ABCG2: variants seen among roughly 807,000 people sequenced by gnomAD.
The protein encoded by ABCG2 is broad substrate specificity ATP-binding cassette transporter ABCG2.
A neutral mutation model predicts 73.5 loss-of-function variants in ABCG2; 80 were observed. The ratio of observed to expected loss-of-function variants is 1.09; its 90% confidence interval spans 0.91 to 1.31. The LOEUF (loss-of-function observed/expected upper bound fraction) is 1.31. Among genes scored for constraint, ABCG2 ranks in the 50% most tolerant of loss-of-function variants. The pLI is 0.00. For missense variants in ABCG2, 796 were observed against 786.2 expected (o/e 1.01, Z -0.15); for synonymous variants, 269 against 282.4 (o/e 0.95, Z 0.48).
At chr4:88,195,387 G>A (rs1728901855) in intron 1 of ABCG2, among the ~76,000 whole-genome samples, 1 of 152,114 alleles carries the variant, frequency 6.6e-6, no homozygotes, top group Non-Finnish European at 1.5e-5. Context: ...GTTTGTTCCG[G>A]GCTATCCAGA....
chr4:88,185,728 G>A (rs1198769084), intron 1 of ABCG2, among the ~76,000 whole-genome samples: 5 of 152,110 alleles, frequency 3.3e-5, no homozygotes, highest in African/African-American at 1.2e-4. Context: ...GAAGACGCAC[G>A]AATGGCAAAC....
intron 1 of ABCG2, among the ~76,000 whole-genome samples, chr4:88,198,315 A>C (rs1268911690): frequency 6.6e-6 from 1 of 152,126 alleles, no homozygotes; most frequent in Non-Finnish European, 1.5e-5. Flanking sequence ...CCTGGGTGAC[A>C]GAGCAAGACT....
At chr4:88,156,679 C>T (rs1726966166) in intron 1 of ABCG2, among the ~76,000 whole-genome samples, 1 of 152,010 alleles carries the variant, frequency 6.6e-6, no homozygotes, top group African/African-American at 2.4e-5. Flanking sequence ...AAAAAACCCG[C>T]TAAACAACAT....
At chr4:88,168,150 T>C (rs780235294) in intron 1 of ABCG2, among the ~76,000 whole-genome samples, 1 of 152,118 alleles carries the variant, frequency 6.6e-6, no homozygotes, top group Non-Finnish European at 1.5e-5. Flanking sequence ...ATTTGCTTTA[T>C]ACAGCAGACA....
chr4:88,210,951 C>T (rs1237698630), intron 1 of ABCG2, among the ~76,000 whole-genome samples: 2 of 151,870 alleles, frequency 1.3e-5, no homozygotes, highest in Non-Finnish European at 2.9e-5. Flanking sequence ...ATGTTCTGCC[C>T]CTGTATTCCC....
At position 88,121,707 on chromosome 4, in the gene ABCG2, A is replaced by C. The variant is rs760143764; in HGVS notation, c.617T>G (p.Ile206Ser). ...IGMELITDPS[I>S]LFLDEPTTGL... ...AGTTGTAGGCTCATCCAAGAACAAG[A>C]TGGAAGGATCAGTGATAAGCTCCAT... is the stretch of plus-strand genomic sequence containing the variant. The change falls in exon 6 of 16, where the codon ATC becomes AGC. Residue 206 changes from isoleucine (I) to serine (S), a missense_variant. Ile to Ser is a moderately radical substitution (Grantham distance 142). Coordinates refer to ENST00000237612, the MANE Select transcript of ABCG2 (RefSeq NM_004827.3). The C allele has an allele frequency of 6.2e-7, 1 of 1,614,114 alleles. No individual in the cohort carries two copies. Among genetic ancestry groups the C allele is most frequent in the South Asian group, 1.1e-5 (1 of 91,078 alleles).
intron 6 of ABCG2, among the ~76,000 whole-genome samples, chr4:88,121,434 C>A (rs969964324): frequency 2.6e-5 from 4 of 152,168 alleles, no homozygotes; most frequent in African/African-American, 4.8e-5. Context: ...AACCCCCCTA[C>A]ACCCTCATCA....
chr4:88,148,267 A>G (rs1416336600), intron 1 of ABCG2, among the ~76,000 whole-genome samples: 1 of 152,156 alleles, frequency 6.6e-6, no homozygotes, highest in Admixed American at 6.5e-5. Flanking sequence ...ACCCAAAGGG[A>G]CCACTGTACC....
intron 4 of ABCG2, 132 bp from the exon 5 acceptor site, chr4:88,131,345 G>T: frequency 1.1e-6 from 1 of 936,780 alleles, no homozygotes. Flanking sequence ...TGATGAACCT[G>T]CAGTTCTGCA....
intron 1 of ABCG2, among the ~76,000 whole-genome samples, chr4:88,219,923 C>T (rs1019740260): frequency 6.6e-6 from 1 of 151,856 alleles, no homozygotes; most frequent in African/African-American, 2.4e-5. Context: ...CATTGCTGTG[C>T]AACCATCACT....
rs36209812 is a variant in ABCG2, at chr4:88,210,184, TACACACACACACACACACACACAC to T, written c.-20+20786_-20+20809del. Among the ~76,000 whole-genome samples the T allele has an allele frequency of 2.0e-5, 3 of 149,592 alleles. No individual in the cohort carries two copies. The South Asian group carries it at 6.4e-4, about 32-fold the overall frequency. ...AAGATGTCAGTAATGTAAGTAATCCTACACACACACACACACACACACACACACACACACACATATACATATATA... is the reference window on the plus strand; with the variant it reads ...AAGATGTCAGTAATGTAAGTAATCCTACACACACACACATATACATATATA... On this transcript the variant is annotated intron_variant, in intron 1 of 15. Coordinates refer to the ABCG2 transcript ENST00000515655.
intron 1 of ABCG2, among the ~76,000 whole-genome samples, chr4:88,167,880 T>A (rs560676902): frequency 8.5e-5 from 13 of 152,228 alleles, no homozygotes; most frequent in African/African-American, 3.1e-4. Flanking sequence ...ATTCTGCCTA[T>A]CCTGGAGATG....
chr4:88,162,378 C>T (rs1727353435), upstream of ABCG2, among the ~76,000 whole-genome samples: 1 of 151,764 alleles, frequency 6.6e-6, no homozygotes, highest in Non-Finnish European at 1.5e-5. Context: ...TATAAAGACA[C>T]ATGACAATAG....
chr4:88,098,503 T>C (rs961076269), intron 12 of ABCG2, among the ~76,000 whole-genome samples: 1 of 151,322 alleles, frequency 6.6e-6, no homozygotes, highest in Admixed American at 6.6e-5. Context: ...GAAGCAGGGA[T>C]GGGTAATATA....
Position 88,171,274 on chromosome 4 carries a change from T to TAA in ABCG2, c.-19-31262_-19-31261dup, listed in dbSNP as rs11331423. Among the ~76,000 whole-genome samples the TAA allele has an allele frequency of 1.8e-3, 231 of 129,384 alleles. 1 individual carries two copies. Among genetic ancestry groups the TAA allele is most frequent in the South Asian group, 0.013 (53 of 4,032 alleles). 84.9% of individuals were successfully genotyped at this position (129,384 alleles called of 152,430 possible). The stretch of plus-strand genomic sequence containing the variant: ...ATACCCCTGAACCTAAAGTAAAAGT[T>TAA]AAAAAAAAAAAAAAAAGAAAGGTTA... On this transcript the variant is annotated intron_variant, in intron 1 of 15. Transcript: ENST00000515655.
intron 1 of ABCG2, among the ~76,000 whole-genome samples, chr4:88,175,267 TC>T (rs1423797459): frequency 6.6e-6 from 1 of 152,196 alleles, no homozygotes; most frequent in African/African-American, 2.4e-5. Context: ...TAGATTCAAG[TC>T]CAATCATTTG....
chr4:88,222,802 TGC>T (rs1730061159), intron 1 of ABCG2, among the ~76,000 whole-genome samples: 1 of 152,124 alleles, frequency 6.6e-6, no homozygotes, highest in African/African-American at 2.4e-5. Flanking sequence ...ACCAACAGCT[TGC>T]CCCATGCACC....
chr4:88,158,939 C>A, upstream of ABCG2: 1 of 348,042 alleles, frequency 2.9e-6, no homozygotes, highest in South Asian at 2.1e-5. Context: ...CCCGGGTTTC[C>A]CCAGGTCGGG....
At chr4:88,229,188 T>C (rs1730354931) in intron 1 of ABCG2, among the ~76,000 whole-genome samples, 1 of 152,226 alleles carries the variant, frequency 6.6e-6, no homozygotes, top group Non-Finnish European at 1.5e-5. Context: ...AGCTTCATTC[T>C]TGAAGTCAGC....
Sources: gnomAD v4.1 joint callset for allele counts (sites outside exome capture counted in the v4.1 genomes callset) on GRCh38, gnomAD v4.1.1 for gene constraint, MANE v1.5 for transcripts, NCBI Gene and HGNC (gene_info 2026-07-23, HGNC 2026-07-21) for gene names.